KLK2: variants seen among roughly 807,000 people sequenced by gnomAD.
KLK2 encodes kallikrein related peptidase 2.
In KLK2, 17 loss-of-function variants were observed where a neutral mutation model predicts 23.0. That is an observed-to-expected ratio of 0.74 (90% CI 0.51 to 1.11). The LOEUF (loss-of-function observed/expected upper bound fraction) is 1.11, where lower values mean the gene tolerates loss of function less well. Among genes scored for constraint, KLK2 ranks in the 50% least tolerant of loss-of-function variants. The pLI is 0.00. For synonymous variants in KLK2, 140 were observed against 124.7 expected (o/e 1.12, Z -0.82); for missense variants, 330 against 325.9 (o/e 1.01, Z -0.10).
In KLK2 at chr19:50,878,729, A is replaced by G. The variant is rs954109024; in HGVS notation, c.*170A>G. The G allele has an allele frequency of 1.0e-5, 6 of 587,384 alleles. No homozygotes were observed. The highest frequency in any genetic ancestry group is 1.8e-5 in the Non-Finnish European group (6 of 331,918). The allele number at this position is 587,384 out of a possible 1,614,324, so 36.4% of individuals were successfully genotyped here. On this transcript the variant is annotated 3_prime_UTR_variant, in exon 5 of 5. Coordinates refer to ENST00000325321, the MANE Select transcript of KLK2 (RefSeq NM_005551.5). ...TTCTGGTGTGGAGTCCAGGGCTGCT[A>G]GGAAAAGGAATGGGCAGACACAGGT...
rs745505633 is a variant in KLK2 at position 50,874,950 on chromosome 19, C to T, written c.206+70C>T. The T allele has an allele frequency of 3.9e-5, 60 of 1,537,696 alleles. No individual in the cohort carries two copies. In the Admixed American group the frequency reaches 1.0e-3, roughly 27 times the overall value. On this transcript the variant is annotated intron_variant, in intron 2 of 4. Coordinates refer to ENST00000325321, the MANE Select transcript of KLK2 (RefSeq NM_005551.5). ...CAGGAATAACAGCGGGATGCTTCCCCCAGGGTCACTTCTCAGGTGAGGCTT... is the reference window on the plus strand; with the variant it reads ...CAGGAATAACAGCGGGATGCTTCCCTCAGGGTCACTTCTCAGGTGAGGCTT...
In KLK2 at chr19:50,876,622, T is replaced by C. The variant is rs781380160; in HGVS notation, c.357T>C (p.His119=). 17 of 1,614,218 alleles carry C rather than the reference T, an allele frequency of 1.1e-5. No homozygotes were observed. The highest frequency in any genetic ancestry group is 1.3e-5 in the Non-Finnish European group (15 of 1,180,042). The change falls in exon 3 of 5, where the codon CAT becomes CAC. Residue 119 remains histidine, a synonymous_variant. Coordinates refer to ENST00000325321, the MANE Select transcript of KLK2 (RefSeq NM_005551.5). ...QSLRPDEDSS[H]DLMLLRLSEP... ...TTAGACCAGATGAAGACTCCAGCCA[T>C]GACCTCATGCTGCTCCGCCTGTCAG...
chr19:50,875,130 GT>G, intron 2 of KLK2: 1 of 510,324 alleles, frequency 2.0e-6, no homozygotes, highest in East Asian at 4.3e-5. Context: ...GTATGACTGT[GT>G]TTTGGTCTCT....
Position 50,878,587 on chromosome 19 carries a change from T to C in KLK2, c.*28T>C, listed in dbSNP as rs752465616. 32 of 1,594,028 alleles carry C rather than the reference T, an allele frequency of 2.0e-5. No individual in the cohort carries two copies. The African/African-American group carries it at 4.2e-4, about 21-fold the overall frequency. On this transcript the variant is annotated 3_prime_UTR_variant, in exon 5 of 5. Transcript: ENST00000325321. ...GCCCCTGTCCCACCCCTACCTCTAG[T>C]AAATTTAAGTCCACCTCACGTTCTG...
rs2090288102 is a variant in KLK2 at position 50,876,455 on chromosome 19, A to C, written c.207-17A>C. 3 of 1,608,318 alleles carry C rather than the reference A, an allele frequency of 1.9e-6. No homozygotes were observed. Among genetic ancestry groups the C allele is most frequent in the East Asian group, 2.2e-5 (1 of 44,716 alleles). ...CCATTTTCTCTCTCCTCATGCATCC[A>C]CCCCCTTCCTCCCCAGGAATAGCCA... On this transcript the variant is annotated splice_polypyrimidine_tract_variant and intron_variant, in intron 2 of 4. Transcript: ENST00000325321.
rs936609825 is a variant in KLK2 at position 50,879,029 on chromosome 19, C to T, written c.*470C>T. On this transcript the variant is annotated 3_prime_UTR_variant, in exon 5 of 5. Transcript: ENST00000325321. ...AGGATGACGCTGTAAACATAGCCCA[C>T]GCTGTCCTGGGGGCACTGGGAAGCC... The T allele has an allele frequency of 3.8e-5, 9 of 234,658 alleles. No individual in the cohort carries two copies. Among genetic ancestry groups the T allele is most frequent in the African/African-American group, 6.6e-5 (3 of 45,364 alleles). The allele number at this position is 234,658 out of a possible 1,614,324, so 14.5% of individuals were successfully genotyped here.
In KLK2 at chr19:50,874,744, C is replaced by G; in HGVS notation, c.70C>G (p.Arg24Gly). ...CTGAVPLIQS[R>G]IVGGWECEKH... ...AGGTGCCGTGCCCCTCATCCAGTCT[C>G]GGATTGTGGGAGGCTGGGAGTGTGA... The change falls in exon 2 of 5, where the codon CGG (arginine) becomes GGG (glycine). Residue 24 changes from arginine (R) to glycine (G), a missense_variant. Physicochemically the swap from Arg to Gly is moderately radical, Grantham distance 125 (BLOSUM62 -2). Coordinates refer to ENST00000325321, the MANE Select transcript of KLK2 (RefSeq NM_005551.5). 6.2e-7 allele frequency: 1 copy of G among 1,612,386 alleles called. No homozygotes were observed. The highest frequency in any genetic ancestry group is 8.5e-7 in the Non-Finnish European group (1 of 1,179,502).
intron 1 of KLK2, 170 bp downstream of exon 1, chr19:50,873,689 G>A (rs1470521374): frequency 3.3e-5 from 19 of 567,472 alleles, no homozygotes; most frequent in African/African-American, 5.9e-5. Flanking sequence ...CTAGGTCCCC[G>A]CTCCCTCCCA....
rs111422944 is a variant in KLK2, at chr19:50,876,303, C to T, written c.207-169C>T. On this transcript the variant is annotated intron_variant, in intron 2 of 4. Coordinates refer to ENST00000325321, the MANE Select transcript of KLK2 (RefSeq NM_005551.5). ...TCTCTGCCTCTCACATGATCACACT[C>T]CTGTTTTCTAACTCACTGTCTGTAT... The T allele has an allele frequency of 1.8e-3, 1,087 of 620,458 alleles. 1 individual carries two copies. The highest frequency in any genetic ancestry group is 2.6e-3 in the Non-Finnish European group (927 of 354,700). 38.4% of individuals were successfully genotyped at this position (620,458 alleles called of 1,614,324 possible).
At position 50,878,706 on chromosome 19, in the gene KLK2, C is replaced by A; in HGVS notation, c.*147C>A. 1.4e-6 allele frequency: 1 copy of A among 715,742 alleles called. No homozygotes were observed. Among genetic ancestry groups the A allele is most frequent in the African/African-American group, 1.8e-5 (1 of 56,464 alleles). 44.3% of individuals were successfully genotyped at this position (715,742 alleles called of 1,614,324 possible). ...CCTGAGTCCTACTGACCTGTGCTTT[C>A]TGGTGTGGAGTCCAGGGCTGCTAGG... On this transcript the variant is annotated 3_prime_UTR_variant, in exon 5 of 5. Transcript: ENST00000325321.
intron 2 of KLK2, among the ~76,000 whole-genome samples, chr19:50,875,400 C>T (rs993765454): frequency 3.3e-5 from 5 of 152,188 alleles, no homozygotes; most frequent in African/African-American, 9.7e-5. Context: ...GCACAGCACT[C>T]TCTGCAGGAC....
chr19:50,877,995 G>T (rs2090306555), intron 4 of KLK2, among the ~76,000 whole-genome samples: 1 of 152,134 alleles, frequency 6.6e-6, no homozygotes, highest in African/African-American at 2.4e-5. Context: ...ACCCAGCCCT[G>T]CCCACGGCCC....
intron 1 of KLK2, 145 bp downstream of exon 1, chr19:50,873,664 G>C: frequency 1.6e-6 from 1 of 613,172 alleles, no homozygotes; most frequent in Non-Finnish European, 2.9e-6. Context: ...CATTGCAATA[G>C]TCCTCATGCC....
Position 50,876,775 on chromosome 19 carries a change from T to A in KLK2, c.493+17T>A. On this transcript the variant is annotated intron_variant, in intron 3 of 4. Transcript: ENST00000325321. ...CAGAGGAGTGTACGCCTGGGCCAGA[T>A]GGTGTAGCTGGGAGCCCAGATGCCT... 3 of 1,611,530 alleles carry A rather than the reference T, an allele frequency of 1.9e-6. No individual in the cohort carries two copies. Among genetic ancestry groups the A allele is most frequent in the Non-Finnish European group, 2.5e-6 (3 of 1,178,252 alleles).
chr19:50,875,803 A>AAAACAAAC (rs544579251), intron 2 of KLK2: 1 of 154,346 alleles, frequency 6.5e-6, no homozygotes, highest in Admixed American at 6.5e-5. Flanking sequence ...CATCTCAGAA[A>AAAACAAAC]AAACAAACAA....
intron 1 of KLK2, chr19:50,874,017 T>C (rs2090257608): frequency 1.3e-5 from 2 of 155,688 alleles, no homozygotes; most frequent in South Asian, 4.0e-4. Context: ...CCCCCGAGGC[T>C]ATCTGGCCTG....
At chr19:50,877,329 A>C in intron 4 of KLK2, 1 of 410,742 alleles carries the variant, frequency 2.4e-6, no homozygotes, top group Non-Finnish European at 4.5e-6. Flanking sequence ...TGCAGCCCCC[A>C]TGCTGGTGAG....
At chr19:50,877,261 G>C (rs1167679490) in intron 4 of KLK2, 2 of 565,458 alleles carry the variant, frequency 3.5e-6, no homozygotes, top group South Asian at 2.1e-5. Flanking sequence ...TACGTGACCA[G>C]CATTGCCGTA....
At chr19:50,878,332 TGA>T in intron 4 of KLK2, 70 bp from the exon 5 acceptor site, 4 of 1,478,514 alleles carry the variant, frequency 2.7e-6, no homozygotes, top group Admixed American at 1.8e-5. Context: ...TGCGCGGTTC[TGA>T]GAGATGGAGT....
Sources: gnomAD v4.1 joint callset for allele counts (sites outside exome capture counted in the v4.1 genomes callset) on GRCh38, gnomAD v4.1.1 for gene constraint, MANE v1.5 for transcripts, NCBI Gene and HGNC (gene_info 2026-07-23, HGNC 2026-07-21) for gene names.